The following FKBP11 variants were observed in gnomAD, a reference collection of about 807,000 sequenced individuals.
FKBP11 encodes peptidyl-prolyl cis-trans isomerase FKBP11.
In FKBP11, 21 loss-of-function variants were observed where a neutral mutation model predicts 24.7. The observed-to-expected ratio is 0.85, with a 90% CI of 0.60 to 1.23. FKBP11 has a LOEUF of 1.23. FKBP11 is among the 50% of genes most tolerant of loss of function. The probability of loss-of-function intolerance (pLI) is 0.00; values close to 1 mark genes in which losing one functional copy is unlikely to be tolerated. For missense variants in FKBP11, 245 were observed against 248.7 expected (o/e 0.99, Z 0.10); for synonymous variants, 106 against 100.6 (o/e 1.05, Z -0.32).
Position 48,922,035 on chromosome 12 carries a change from G to A in FKBP11, c.555C>T (p.Val185=). The A allele has an allele frequency of 2.5e-6, 4 of 1,612,584 alleles. No individual in the cohort carries two copies. Among genetic ancestry groups the A allele is most frequent in the Non-Finnish European group, 3.4e-6 (4 of 1,179,310 alleles). Residue 185 remains valine (V), a synonymous_variant, in exon 6 of 6, where the codon GTC becomes GTT. Transcript: ENST00000550765. ...HLYRKANRPK[V]SKKKLKEEKR... is the part of the protein sequence containing the mutation. The stretch of plus-strand genomic sequence containing the variant: ...TCTCTTCCTTGAGCTTCTTTTTGGA[G>A]ACTTTGGGTCTATTGGCCTTTCTGT...
chr12:48,928,606 AGT>A, upstream of FKBP11, among the ~76,000 whole-genome samples: 1 of 151,916 alleles, frequency 6.6e-6, no homozygotes, highest in East Asian at 1.9e-4. Context: ...CAGCCTCCAG[AGT>A]AGCTGGGACT....
At chr12:48,938,878 A>T in the FKBP11 span, 1 of 1,561,696 alleles carries the variant, frequency 6.4e-7, no homozygotes, top group Non-Finnish European at 8.7e-7. Context: ...AGGAAGGGGT[A>T]GGACTGGGGC....
upstream of FKBP11, chr12:48,926,461 G>C (rs1449993047): frequency 6.6e-6 from 1 of 150,388 alleles, no homozygotes; most frequent in Non-Finnish European, 1.5e-5. Context: ...CTGATGTCAG[G>C]TGATCCGCCT....
chr12:48,925,539 C>T (rs1939947069), upstream of FKBP11: 3 of 1,342,156 alleles, frequency 2.2e-6, no homozygotes, highest in Admixed American at 2.5e-5. Context: ...CGGGGCGGGT[C>T]GCGATGCTAG....
chr12:48,935,294 G>A, the FKBP11 span, among the ~76,000 whole-genome samples: 5 of 152,166 alleles, frequency 3.3e-5, no homozygotes, highest in East Asian at 1.9e-4. Context: ...ATTGGCAGGG[G>A]AGGCAGCAGG....
At chr12:48,927,694 C>T (rs984508330), upstream of FKBP11, among the ~76,000 whole-genome samples, 1 of 152,132 alleles carries the variant, frequency 6.6e-6, no homozygotes, top group African/African-American at 2.4e-5. Flanking sequence ...CTCTCTCTCC[C>T]CCTAATCATC....
intron 5 of FKBP11, chr12:48,923,421 T>TC (rs1555175334): frequency 5.3e-6 from 8 of 1,501,220 alleles, no homozygotes; most frequent in East Asian, 2.5e-5. Context: ...AAGGAAGGGG[T>TC]GGGGGGTGGC....
upstream of FKBP11, among the ~76,000 whole-genome samples, chr12:48,929,664 T>G (rs1940023394): frequency 6.6e-6 from 1 of 152,222 alleles, no homozygotes; most frequent in African/African-American, 2.4e-5. Context: ...TCCATTAAAC[T>G]GAATCCCTCT....
chr12:48,922,911 A>G, intron 5 of FKBP11: 2 of 1,063,984 alleles, frequency 1.9e-6, no homozygotes, highest in Non-Finnish European at 2.3e-6. Flanking sequence ...CACTTTGGGA[A>G]GCCAAGGCAG....
chr12:48,938,544 A>G, the FKBP11 span: 1 of 456,108 alleles, frequency 2.2e-6, no homozygotes, highest in Non-Finnish European at 4.4e-6. Context: ...AGAGGGTGGC[A>G]AAGGAAAGGC....
At chr12:48,927,120 T>G (rs1939986433), upstream of FKBP11, among the ~76,000 whole-genome samples, 1 of 152,238 alleles carries the variant, frequency 6.6e-6, no homozygotes, top group South Asian at 2.1e-4. Context: ...CAGTCTTAAC[T>G]GTACTCATTC....
At chr12:48,925,771 A>G (rs895486809), upstream of FKBP11, 1 of 296,936 alleles carries the variant, frequency 3.4e-6, no homozygotes, top group Non-Finnish European at 6.4e-6. Context: ...CCACCCTGAA[A>G]GGTCGGCATG....
At chr12:48,938,902 G>C in the FKBP11 span, 1 of 1,593,792 alleles carries the variant, frequency 6.3e-7, no homozygotes, top group Non-Finnish European at 8.6e-7. Context: ...GTGACAGTAG[G>C]TATGTCAGGG....
chr12:48,929,254 C>A (rs575028838), upstream of FKBP11, among the ~76,000 whole-genome samples: 2 of 152,106 alleles, frequency 1.3e-5, no homozygotes, highest in African/African-American at 4.8e-5. Context: ...TCAAGACCAG[C>A]CTGGGCAACA....
chr12:48,932,454 A>C, the FKBP11 span, among the ~76,000 whole-genome samples: 2 of 149,996 alleles, frequency 1.3e-5, no homozygotes, highest in African/African-American at 4.9e-5. Flanking sequence ...CCAGCTGACT[A>C]GATGTTTTCT....
At chr12:48,923,726 T>C (rs1939888411) in intron 5 of FKBP11, 56 bp downstream of exon 5, 1 of 1,590,654 alleles carries the variant, frequency 6.3e-7, no homozygotes, top group East Asian at 2.2e-5. Flanking sequence ...TAGCTCCTTA[T>C]AGCTCTTAGG....
intron 3 of FKBP11, 117 bp downstream of exon 3, chr12:48,924,444 T>TAG: frequency 8.6e-7 from 1 of 1,164,306 alleles, no homozygotes; most frequent in South Asian, 1.3e-5. Flanking sequence ...AGGTAACTCG[T>TAG]AGAGCCCTAG....
chr12:48,929,080 G>A (rs1476503017), upstream of FKBP11, among the ~76,000 whole-genome samples: 1 of 151,036 alleles, frequency 6.6e-6, no homozygotes, highest in Non-Finnish European at 1.5e-5. Flanking sequence ...ACCTGCCTCG[G>A]CCTCCCAAAG....
intron 5 of FKBP11, chr12:48,922,911 A>C (rs1401003541): frequency 9.4e-7 from 1 of 1,063,866 alleles, no homozygotes; most frequent in Non-Finnish European, 1.2e-6. Flanking sequence ...CACTTTGGGA[A>C]GCCAAGGCAG....
Sources: gnomAD v4.1 joint callset for allele counts (sites outside exome capture counted in the v4.1 genomes callset) on GRCh38, gnomAD v4.1.1 for gene constraint, MANE v1.5 for transcripts, NCBI Gene and HGNC (gene_info 2026-07-23, HGNC 2026-07-21) for gene names.